Variants in SLC25A21 observed in about 807,000 individuals in gnomAD.
SLC25A21 encodes the protein mitochondrial 2-oxodicarboxylate carrier.
Under a neutral mutation model 43.8 loss-of-function variants are expected in SLC25A21, and 47 were observed. The observed-to-expected ratio is 1.07, with a 90% confidence interval of 0.85 to 1.37. The LOEUF (loss-of-function observed/expected upper bound fraction) is 1.37, where lower values mean the gene tolerates loss of function less well. Ranked by LOEUF, SLC25A21 falls within the 40% of genes most tolerant of loss-of-function variation. SLC25A21 has a pLI of 0.00. For missense variants in SLC25A21, 352 were observed against 350.2 expected, an observed-to-expected ratio of 1.00 and a Z score of -0.04; for synonymous variants, 131 against 121.3, an observed-to-expected ratio of 1.08 and a Z score of -0.52.
At chr14:36,767,233 T>C (rs898022800) in intron 3 of SLC25A21, among the ~76,000 whole-genome samples, 4 of 152,182 alleles carry the variant, frequency 2.6e-5, no homozygotes, top group Non-Finnish European at 5.9e-5. Flanking sequence ...GGCTTTCATA[T>C]AAAAAGTGCT....
intron 1 of SLC25A21, among the ~76,000 whole-genome samples, chr14:36,979,347 GTTTT>G (rs1381345222): frequency 2.4e-5 from 3 of 124,446 alleles, no homozygotes; most frequent in African/African-American, 1.7e-4. Context: ...TTTTTTTACT[GTTTT>G]TGTTTGTTTG....
intron 1 of SLC25A21, among the ~76,000 whole-genome samples, chr14:36,944,590 G>A (rs948664866): frequency 1.4e-4 from 22 of 152,282 alleles, no homozygotes; most frequent in Admixed American, 1.0e-3. Context: ...TCCAAGGGCC[G>A]GCTCCAGTGT....
At chr14:36,689,734 G>A (rs1287469024) in intron 7 of SLC25A21, among the ~76,000 whole-genome samples, 1 of 152,156 alleles carries the variant, frequency 6.6e-6, no homozygotes, top group Non-Finnish European at 1.5e-5. Flanking sequence ...TCAAAATTGA[G>A]GTTCCACCCC....
chr14:37,058,974 C>T (rs572893541), intron 1 of SLC25A21, among the ~76,000 whole-genome samples: 2 of 152,310 alleles, frequency 1.3e-5, no homozygotes, highest in East Asian at 1.9e-4. Context: ...TGAAGACTTC[C>T]ATGTCCTTTC....
intron 1 of SLC25A21, among the ~76,000 whole-genome samples, chr14:37,077,070 A>G (rs1404570714): frequency 6.6e-6 from 1 of 152,218 alleles, no homozygotes; most frequent in East Asian, 1.9e-4. Context: ...AGACCTAATC[A>G]AATAGATATC....
chr14:36,976,346 G>A (rs1348894915), intron 1 of SLC25A21, among the ~76,000 whole-genome samples: 1 of 152,054 alleles, frequency 6.6e-6, no homozygotes, highest in Non-Finnish European at 1.5e-5. Flanking sequence ...GTTGTCTGTG[G>A]ACCTGAGTAA....
At chr14:36,857,285 G>T (rs1235640322) in intron 2 of SLC25A21, among the ~76,000 whole-genome samples, 1 of 152,170 alleles carries the variant, frequency 6.6e-6, no homozygotes, top group East Asian at 1.9e-4. Flanking sequence ...AAACACCAAG[G>T]GAGCTGGCGA....
At chr14:37,144,583 A>G (rs1012910798) in intron 1 of SLC25A21, among the ~76,000 whole-genome samples, 2 of 152,204 alleles carry the variant, frequency 1.3e-5, no homozygotes, top group Admixed American at 6.5e-5. Context: ...CATCAGGTGA[A>G]AAAGAAGATT....
chr14:36,896,936 G>C (rs1432116503), intron 1 of SLC25A21, among the ~76,000 whole-genome samples: 1 of 152,108 alleles, frequency 6.6e-6, no homozygotes, highest in Non-Finnish European at 1.5e-5. Flanking sequence ...TTCCCTTTGT[G>C]GGTAACCCGA....
chr14:37,102,221 A>T (rs1594794153), intron 1 of SLC25A21, among the ~76,000 whole-genome samples: 1 of 152,138 alleles, frequency 6.6e-6, no homozygotes, highest in Non-Finnish European at 1.5e-5. Context: ...CAGGCGGATC[A>T]CTTGAAGTCA....
chr14:37,168,977 C>T (rs566882291), intron 1 of SLC25A21, among the ~76,000 whole-genome samples: 2 of 152,250 alleles, frequency 1.3e-5, no homozygotes, highest in South Asian at 4.2e-4. Flanking sequence ...GCCACACGGC[C>T]GCTTCTCATC....
intron 1 of SLC25A21, among the ~76,000 whole-genome samples, chr14:37,009,550 G>A (rs1960684627): frequency 6.6e-6 from 1 of 152,116 alleles, no homozygotes; most frequent in Admixed American, 6.6e-5. Context: ...AAAGACCAGG[G>A]GAAGAGAAGA....
intron 1 of SLC25A21, among the ~76,000 whole-genome samples, chr14:37,085,499 A>G (rs909871722): frequency 6.6e-6 from 1 of 152,186 alleles, no homozygotes; most frequent in African/African-American, 2.4e-5. Context: ...TGTTTTTCTC[A>G]TCAGTGAGAT....
chr14:36,845,136 G>C (rs1170071831), intron 2 of SLC25A21, among the ~76,000 whole-genome samples: 1 of 152,140 alleles, frequency 6.6e-6, no homozygotes, highest in Non-Finnish European at 1.5e-5. Context: ...ATAAAGCCAG[G>C]CTGCAAAGTA....
chr14:36,923,603 T>A (rs1892041091), intron 1 of SLC25A21, among the ~76,000 whole-genome samples: 1 of 152,132 alleles, frequency 6.6e-6, no homozygotes, highest in African/African-American at 2.4e-5. Flanking sequence ...CAACATGTTG[T>A]GGGGTTTATA....
intron 2 of SLC25A21, among the ~76,000 whole-genome samples, chr14:36,825,278 TTTCTC>T (rs1307727941): frequency 6.6e-6 from 1 of 152,184 alleles, no homozygotes. Flanking sequence ...CCTCTTTCTC[TTTCTC>T]TTAACTAAAT....
intron 6 of SLC25A21, 105 bp from the exon 7 acceptor site, chr14:36,711,587 T>C: frequency 7.8e-7 from 1 of 1,276,342 alleles, no homozygotes; most frequent in Non-Finnish European, 1.1e-6. Flanking sequence ...AGGGACTTTT[T>C]TCCCCCAGAT....
Position 36,903,614 on chromosome 14 carries a change from GAAAAAAAAAAAA to G in SLC25A21, c.71-28622_71-28611del, listed in dbSNP as rs71124784. 1.0e-3 allele frequency among the ~76,000 whole-genome samples: 52 copies of G among 50,458 alleles called. 1 individual carries two copies. The highest frequency in any genetic ancestry group is 3.6e-3 in the African/African-American group (40 of 10,972). The allele number at this position is 50,458 out of a possible 152,430, so 33.1% of individuals were successfully genotyped here. On this transcript the variant is annotated intron_variant, in intron 1 of 9. Transcript: ENST00000331299. Reference sequence around the variant, plus strand: ...GGTGACAGAGTGAGACTCCGTCTCAGAAAAAAAAAAAAAAAAAAAAAAAAAAAAATTGGTCGC... The same window carrying G: ...GGTGACAGAGTGAGACTCCGTCTCAGAAAAAAAAAAAAAAAAATTGGTCGC...
chr14:36,784,568 A>C (rs982188115), intron 3 of SLC25A21, among the ~76,000 whole-genome samples: 2 of 152,200 alleles, frequency 1.3e-5, no homozygotes, highest in Admixed American at 1.3e-4. Context: ...ATCTCAGTTA[A>C]GAGCAGTAAC....
Sources: allele counts gnomAD v4.1 joint callset (sites outside exome capture counted in the v4.1 genomes callset), GRCh38; gene constraint gnomAD v4.1.1; transcripts MANE v1.5; gene names NCBI Gene and HGNC (gene_info 2026-07-23, HGNC 2026-07-21).